BBS2: variants seen among roughly 807,000 people sequenced by gnomAD.
The protein encoded by BBS2 is BBSome complex member BBS2.
In BBS2, 62 loss-of-function variants were observed where a neutral mutation model predicts 83.0. That is an observed-to-expected ratio of 0.75 (90% CI 0.61 to 0.92). BBS2 has a LOEUF of 0.92. Among genes scored for constraint, BBS2 ranks in the 40% least tolerant of loss-of-function variants. The pLI is 0.00. For missense variants in BBS2, 784 were observed against 901.0 expected (o/e 0.87, Z 1.66); for synonymous variants, 303 against 326.1 (o/e 0.93, Z 0.76).
chr16:56,506,055 A>C lies in BBS2; in HGVS notation c.718-19T>G. 1.2e-6 allele frequency: 2 copies of C among 1,612,668 alleles called. No individual in the cohort carries two copies. The highest frequency in any genetic ancestry group is 1.7e-6 in the Non-Finnish European group (2 of 1,178,706). Reference sequence around the variant, plus strand: ...TTTTCGACTGAAAAAGAATTTTAATAATTAGCACAGAAGTCTCACAATAAC... The same window carrying C: ...TTTTCGACTGAAAAAGAATTTTAATCATTAGCACAGAAGTCTCACAATAAC... On this transcript the variant is annotated intron_variant, in intron 6 of 16. Transcript: ENST00000245157.
At chr16:56,486,965 T>C (rs1451431846) in intron 15 of BBS2, among the ~76,000 whole-genome samples, 1 of 152,174 alleles carries the variant, frequency 6.6e-6, no homozygotes, top group African/African-American at 2.4e-5. Context: ...GGTTTCACCA[T>C]GTTGGCCAGG....
intron 13 of BBS2, 92 bp downstream of exon 13, chr16:56,498,345 T>C (rs1964169545): frequency 8.6e-6 from 13 of 1,504,128 alleles, no homozygotes; most frequent in Non-Finnish European, 1.2e-5. Context: ...AAACACCACA[T>C]GAGAAATCTA....
At chr16:56,476,820 T>C (rs1276811570) in intron 17 of BBS2, 1 of 152,282 alleles carries the variant, frequency 6.6e-6, no homozygotes, top group Non-Finnish European at 1.5e-5. Context: ...AGTGTTTCGG[T>C]TTTTTTAGAA....
At chr16:56,495,427 A>G (rs1964088972) in intron 15 of BBS2, among the ~76,000 whole-genome samples, 1 of 152,190 alleles carries the variant, frequency 6.6e-6, no homozygotes, top group Non-Finnish European at 1.5e-5. Flanking sequence ...CAGATCTACC[A>G]TTATCTTTCT....
At chr16:56,500,350 G>C (rs1292224671) in intron 11 of BBS2, 1 of 255,646 alleles carries the variant, frequency 3.9e-6, no homozygotes. Flanking sequence ...TCTTAGCCAG[G>C]CGTGGTGGCT....
chr16:56,505,304 G>A (rs1193021218), intron 7 of BBS2, among the ~76,000 whole-genome samples: 4 of 152,204 alleles, frequency 2.6e-5, no homozygotes, highest in Non-Finnish European at 5.9e-5. Flanking sequence ...CAAGGTGCTA[G>A]AGAAAAGTAA....
chr16:56,491,366 G>A (rs1346162566), intron 15 of BBS2, among the ~76,000 whole-genome samples: 2 of 152,122 alleles, frequency 1.3e-5, no homozygotes, highest in African/African-American at 4.8e-5. Flanking sequence ...AAAAGAGCAG[G>A]TTGTTATAAA....
At chr16:56,499,073 C>T (rs1681152072) in intron 12 of BBS2, 1 of 219,028 alleles carries the variant, frequency 4.6e-6, no homozygotes, top group Admixed American at 5.3e-5. Flanking sequence ...ATAGCAGTAA[C>T]ACCATGCAGT....
intron 15 of BBS2, among the ~76,000 whole-genome samples, chr16:56,494,226 G>A (rs1478170492): frequency 2.1e-5 from 3 of 145,876 alleles, no homozygotes; most frequent in Admixed American, 7.2e-5. Flanking sequence ...CCTCAGCATC[G>A]CAAAGTGCTG....
chr16:56,473,980 C>T (rs1241396058), intron 17 of BBS2, among the ~76,000 whole-genome samples: 6 of 151,916 alleles, frequency 3.9e-5, no homozygotes, highest in African/African-American at 1.4e-4. Context: ...CTAATATTTT[C>T]GTATTTTTAG....
chr16:56,504,914 C>G (rs566573113), intron 7 of BBS2, among the ~76,000 whole-genome samples: 2 of 152,280 alleles, frequency 1.3e-5, no homozygotes, highest in South Asian at 4.1e-4. Context: ...AAGGGCAGAG[C>G]CCCCATGAAC....
intron 12 of BBS2, chr16:56,499,146 A>G: frequency 5.3e-6 from 1 of 188,316 alleles, no homozygotes; most frequent in South Asian, 1.1e-4. Flanking sequence ...GCCCACCTAT[A>G]GAGTCTGTGG....
intron 1 of BBS2, among the ~76,000 whole-genome samples, chr16:56,515,483 T>C (rs1238834029): frequency 6.6e-6 from 1 of 152,176 alleles, no homozygotes; most frequent in African/African-American, 2.4e-5. Flanking sequence ...AGAATTTCAC[T>C]GGGAAAATTT....
chr16:56,502,695 G>T lies in BBS2; in HGVS notation c.918C>A (p.Ile306=). 6.2e-7 allele frequency: 1 copy of T among 1,614,132 alleles called. No individual in the cohort carries two copies. Among genetic ancestry groups the T allele is most frequent in the Non-Finnish European group, 8.5e-7 (1 of 1,180,026 alleles). The change falls in exon 8 of 17, where the codon ATC becomes ATA. Residue 306 remains isoleucine, a synonymous_variant. Transcript: ENST00000245157. ...DYRMDGHIQL[I]CCSVDGEIRG... is the part of the protein sequence containing the mutation. ...TACTTTCCCCATCCACTGAGCAGCA[G>T]ATTAACTGTATGTGGCCATCCATCC...
chr16:56,480,366 C>CAAAAAAAAAA (rs1157907841), downstream of BBS2, among the ~76,000 whole-genome samples: 3 of 90,258 alleles, frequency 3.3e-5, no homozygotes, highest in African/African-American at 8.5e-5. Flanking sequence ...AAAAAAAAAA[C>CAAAAAAAAAA]AAAAAAAAAA....
Position 56,510,853 on chromosome 16 carries a change from A to C in BBS2, c.534+6T>G. 6.2e-7 allele frequency: 1 copy of C among 1,613,976 alleles called. No homozygotes were observed. Among genetic ancestry groups the C allele is most frequent in the Non-Finnish European group, 8.5e-7 (1 of 1,179,856 alleles). On this transcript the variant is annotated splice_donor_region_variant and intron_variant, in intron 4 of 16. Transcript: ENST00000245157. ...ACACAAGAGAGATATCTCCTCCCCC[A>C]CATACCTCTTTCTTTCCATCACCAT...
At chr16:56,481,354 CAG>C (rs1197236288), downstream of BBS2, among the ~76,000 whole-genome samples, 19 of 152,088 alleles carry the variant, frequency 1.2e-4, no homozygotes, top group African/African-American at 2.2e-4. Flanking sequence ...TCTTGCTTAA[CAG>C]GGGATTAAGA....
At position 56,485,679 on chromosome 16, in the gene BBS2, C is replaced by T. The variant is rs1340260810; in HGVS notation, c.1970G>A (p.Gly657Glu). The change falls in exon 16 of 17, where the codon GGA becomes GAA. Residue 657 changes from glycine to glutamate, a missense_variant. Physicochemically the swap from Gly to Glu is moderately conservative, Grantham distance 98 (BLOSUM62 -2). Coordinates refer to ENST00000245157, the MANE Select transcript of BBS2 (RefSeq NM_031885.5). ...GTGATTGTTACAGCGAATTTTATAT[C>T]CATTTAGCAAGTCTCTATTAAGGTC... ...LYDLNRDLLN[G>E]YKIRCNNHTE... is the part of the protein sequence containing the mutation. 6 of 1,613,814 alleles carry T rather than the reference C, an allele frequency of 3.7e-6. No individual in the cohort carries two copies. The highest frequency in any genetic ancestry group is 5.1e-6 in the Non-Finnish European group (6 of 1,179,864).
chr16:56,480,352 C>CCAAAAAAAAAAAA (rs1555519770), downstream of BBS2, among the ~76,000 whole-genome samples: 2 of 76,592 alleles, frequency 2.6e-5, no homozygotes, highest in Non-Finnish European at 2.3e-5. Flanking sequence ...CACACACACA[C>CCAAAAAAAAAAAA]AAAAAAAAAA....
Sources: allele counts gnomAD v4.1 joint callset (sites outside exome capture counted in the v4.1 genomes callset), GRCh38; gene constraint gnomAD v4.1.1; transcripts MANE v1.5; gene names NCBI Gene and HGNC (gene_info 2026-07-23, HGNC 2026-07-21).